Variants in SALL3 observed in about 807,000 individuals in gnomAD.
SALL3 encodes the protein spalt like transcription factor 3.
In SALL3, 25 loss-of-function variants were observed where a neutral mutation model predicts 66.2. The ratio of observed to expected loss-of-function variants is 0.38; its 90% CI spans 0.28 to 0.53. The LOEUF (loss-of-function observed/expected upper bound fraction) is 0.53. Among genes scored for constraint, SALL3 ranks in the 20% least tolerant of loss-of-function variants. The probability of loss-of-function intolerance (pLI) is 0.85; values close to 1 mark genes in which losing one functional copy is unlikely to be tolerated. For missense variants in SALL3, 2,194 were observed against 1,916.5 expected, an observed-to-expected ratio of 1.14 and a Z score of -2.70; for synonymous variants, 1,152 against 899.1, an observed-to-expected ratio of 1.28 and a Z score of -5.03.
At chr18:78,980,547 C>T (rs1311819492) in intron 1 of SALL3, among the ~76,000 whole-genome samples, 191 bp downstream of exon 1, 1 of 151,364 alleles carries the variant, frequency 6.6e-6, no homozygotes, top group Non-Finnish European at 1.5e-5. Context: ...CGCGCGGCCG[C>T]CGAGAGAGTT....
chr18:78,990,854 A>G (rs1914405216), intron 1 of SALL3, among the ~76,000 whole-genome samples: 2 of 152,102 alleles, frequency 1.3e-5, no homozygotes, highest in Middle Eastern at 3.2e-3. Flanking sequence ...ATTACTTTTC[A>G]CCCCAACCAC....
In SALL3 at chr18:78,997,329, ACTCG is replaced by A; in HGVS notation, c.*11_*14del. 6.2e-7 allele frequency: 1 copy of A among 1,609,396 alleles called. No homozygotes were observed. The highest frequency in any genetic ancestry group is 8.5e-7 in the Non-Finnish European group (1 of 1,177,030). On this transcript the variant is annotated 3_prime_UTR_variant, in exon 3 of 3. Transcript: ENST00000537592. ...GGAGATTGGTATCAACTAGCCAGTGACTCGCTCATCTGCCCTGCCCAGGCCCACG... is the reference window on the plus strand; with the variant it reads ...GGAGATTGGTATCAACTAGCCAGTGACTCATCTGCCCTGCCCAGGCCCACG...
In SALL3 at chr18:78,997,316, C is replaced by T. The variant is rs760949361; in HGVS notation, c.3897C>T (p.Ile1299=). The T allele has an allele frequency of 3.1e-6, 5 of 1,612,082 alleles. 1 individual carries two copies. Among genetic ancestry groups the T allele is most frequent in the Middle Eastern group, 3.3e-4 (2 of 6,048 alleles). The change falls in exon 3 of 3, where the codon ATC becomes ATT. Residue 1299 remains isoleucine (I), a synonymous_variant. Coordinates refer to ENST00000537592, the MANE Select transcript of SALL3 (RefSeq NM_171999.4). ...TCGAGGATAACAAGGAGATTGGTAT[C>T]AACTAGCCAGTGACTCGCTCATCTG... ...RFIEDNKEIG[I]N is the part of the protein sequence containing the mutation.
rs1913960688 is a variant in SALL3 at position 78,980,193 on chromosome 18, C to T, written c.-82C>T. On this transcript the variant is annotated 5_prime_UTR_variant, in exon 1 of 3. Transcript: ENST00000537592. Reference sequence around the variant, plus strand: ...CCGCCCCGCGCCCCGCGCCGCGCGCCCGCCAGGCCGCCCCGCGCCGTCCCC... The same window carrying T: ...CCGCCCCGCGCCCCGCGCCGCGCGCTCGCCAGGCCGCCCCGCGCCGTCCCC... The T allele has an allele frequency of 3.4e-6, 2 of 581,936 alleles. No individual in the cohort carries two copies. The highest frequency in any genetic ancestry group is 4.3e-6 in the Non-Finnish European group (2 of 464,654). The allele number at this position is 581,936 out of a possible 1,614,324, so 36.0% of individuals were successfully genotyped here.
intron 1 of SALL3, among the ~76,000 whole-genome samples, chr18:78,991,191 T>C (rs577880965): frequency 1.3e-5 from 2 of 152,126 alleles, no homozygotes; most frequent in Non-Finnish European, 2.9e-5. Context: ...TAATTTCTAG[T>C]TTGTTAACAA....
rs1052230514 is a variant in SALL3 at position 78,980,009 on chromosome 18, C to T, written c.-266C>T. On this transcript the variant is annotated 5_prime_UTR_variant, in exon 1 of 3. Transcript: ENST00000537592. ...CCCGGTCCCGAGGCGCCGCGGCCCC[C>T]TCCTCGTCGGCGCGGCCGCTAATTG... Among the ~76,000 whole-genome samples the T allele has an allele frequency of 1.4e-5, 2 of 145,632 alleles. No individual in the cohort carries two copies. The highest frequency in any genetic ancestry group is 6.8e-5 in the Admixed American group (1 of 14,728).
At chr18:78,985,944 C>T (rs72985666) in intron 1 of SALL3, among the ~76,000 whole-genome samples, 5,664 of 152,250 alleles carry the variant, frequency 0.037, 148 homozygotes, top group Non-Finnish European at 0.052. Context: ...CATCAAATTT[C>T]GATTGAAATT....
At chr18:78,982,882 C>T in intron 1 of SALL3, among the ~76,000 whole-genome samples, 1 of 152,094 alleles carries the variant, frequency 6.6e-6, no homozygotes, top group East Asian at 1.9e-4. Flanking sequence ...TAATGTCCTG[C>T]AGAACAAATA....
chr18:78,992,508 A>C lies in SALL3; in HGVS notation c.517A>C (p.Ser173Arg). The change falls in exon 2 of 3, where the codon AGC becomes CGC. Residue 173 changes from serine to arginine, a missense_variant. By Grantham distance (110) the Ser-to-Arg change is moderately radical. Coordinates refer to ENST00000537592, the MANE Select transcript of SALL3 (RefSeq NM_171999.4). ...CAACGTGACCCTGGAGGCGCTGCTG[A>C]GCACCAAGGTGGCGGTGGCGCAGTT... ...STNVTLEALL[S>R]TKVAVAQFSQ... 1 of 1,477,888 alleles carries C rather than the reference A, an allele frequency of 6.8e-7. No individual in the cohort carries two copies. The allele number at this position is 1,477,888 out of a possible 1,614,324, so 91.5% of individuals were successfully genotyped here.
chr18:78,983,615 A>T (rs953676366), intron 1 of SALL3, among the ~76,000 whole-genome samples: 2 of 152,146 alleles, frequency 1.3e-5, no homozygotes, highest in Non-Finnish European at 2.9e-5. Context: ...GTTTTCACAG[A>T]CTGTGTTTGA....
In SALL3 at chr18:78,992,271, T is replaced by C. The variant is rs768181651; in HGVS notation, c.280T>C (p.Phe94Leu). ...EDAPAPPPEDFPEPSPASSPS... is the reference protein window; with the variant it reads ...EDAPAPPPEDLPEPSPASSPS... The stretch of plus-strand genomic sequence containing the variant: ...CGCGCCCGCGCCGCCCCCCGAGGAC[T>C]TCCCCGAGCCTTCGCCCGCCAGCTC... Residue 94 changes from phenylalanine to leucine, a missense_variant, in exon 2 of 3, where the codon TTC becomes CTC. Coordinates refer to ENST00000537592, the MANE Select transcript of SALL3 (RefSeq NM_171999.4). 32 of 1,552,190 alleles carry C rather than the reference T, an allele frequency of 2.1e-5. No individual in the cohort carries two copies. The Admixed American group carries it at 2.6e-4, about 13-fold the overall frequency.
rs1398057631 is a variant in SALL3 at position 78,992,130 on chromosome 18, G to T, written c.139G>T (p.Gly47Cys). 1 of 1,603,002 alleles carries T rather than the reference G, an allele frequency of 6.2e-7. No individual in the cohort carries two copies. Among genetic ancestry groups the T allele is most frequent in the South Asian group, 1.1e-5 (1 of 89,302 alleles). Residue 47 changes from glycine to cysteine, a missense_variant, in exon 2 of 3, where the codon GGC becomes TGC. Transcript: ENST00000537592. ...CAGCGGGCCCGAGAGCCGCAGCGGGGGCGAGGAGACCAGCGTGTGCGAGAA... is the reference window on the plus strand; with the variant it reads ...CAGCGGGCCCGAGAGCCGCAGCGGGTGCGAGGAGACCAGCGTGTGCGAGAA... ...ADSGPESRSG[G>C]EETSVCEKCC...
Position 78,980,286 on chromosome 18 carries a change from C to G in SALL3, c.12C>G (p.Arg4=), listed in dbSNP as rs1388063243. The part of the protein sequence containing the change: MSR[R]KQAKPQHLKS... ...GCGCCGCTAGCAGCATGTCTCGGCGCAAGCAGGCCAAGCCCCAGCACCTCA... is the reference window on the plus strand; with the variant it reads ...GCGCCGCTAGCAGCATGTCTCGGCGGAAGCAGGCCAAGCCCCAGCACCTCA... The change falls in exon 1 of 3, where the codon CGC becomes CGG. Residue 4 remains arginine, a synonymous_variant. Coordinates refer to ENST00000537592, the MANE Select transcript of SALL3 (RefSeq NM_171999.4). 2.4e-5 allele frequency: 33 copies of G among 1,391,866 alleles called. No homozygotes were observed. The highest frequency in any genetic ancestry group is 3.1e-5 in the Non-Finnish European group (33 of 1,061,938). 86.2% of individuals were successfully genotyped at this position (1,391,866 alleles called of 1,614,324 possible). A position where few individuals can be genotyped will look rare whatever the true frequency, so the allele number is the denominator to read the frequency against.
Position 78,995,422 on chromosome 18 carries a change from C to T in SALL3, c.3431C>T (p.Thr1144Ile). 6.3e-7 allele frequency: 1 copy of T among 1,586,122 alleles called. No homozygotes were observed. The highest frequency in any genetic ancestry group is 8.5e-7 in the Non-Finnish European group (1 of 1,174,140). The change falls in exon 2 of 3, where the codon ACC (threonine) becomes ATC (isoleucine). Residue 1144 changes from threonine (T) to isoleucine (I), a missense_variant. By Grantham distance (89) the Thr-to-Ile change is moderately conservative. Transcript: ENST00000537592. ...ACCGGCGAGAAGCCGTTCGGCTGCA[C>T]CATCTGCGGCCGGGCCTTCACCACT... ...THTGEKPFGC[T>I]ICGRAFTTKG...
chr18:78,992,415 A>ACG lies in SALL3; in HGVS notation c.432_433dup (p.Pro145ArgfsTer23). On this transcript the variant is annotated frameshift_variant, in exon 2 of 3. Transcript: ENST00000537592. LOFTEE classifies it high-confidence loss of function. The stretch of plus-strand genomic sequence containing the variant: ...CATGGACGCGGAACCCGCGGGGGAC[A>ACG]CGCGCGCGCCCCGGCCCCCGCCTGC... 1 of 1,328,766 alleles carries ACG rather than the reference A, an allele frequency of 7.5e-7. No individual in the cohort carries two copies. The highest frequency in any genetic ancestry group is 9.5e-7 in the Non-Finnish European group (1 of 1,047,312). The allele number at this position is 1,328,766 out of a possible 1,614,324, so 82.3% of individuals were successfully genotyped here.
At position 78,994,659 on chromosome 18, in the gene SALL3, A is replaced by G; in HGVS notation, c.2668A>G (p.Ser890Gly). Residue 890 changes from serine (S) to glycine (G), a missense_variant, in exon 2 of 3, where the codon AGC becomes GGC. Physicochemically the swap from Ser to Gly is moderately conservative, Grantham distance 56. Coordinates refer to ENST00000537592, the MANE Select transcript of SALL3 (RefSeq NM_171999.4). ...SSAVGDLESR[S>G]AGSPALSESS... ...GGCCGTGGGCGACCTGGAGAGCCGC[A>G]GCGCGGGCAGCCCCGCCCTGTCCGA... 1 of 1,609,042 alleles carries G rather than the reference A, an allele frequency of 6.2e-7. No homozygotes were observed. The highest frequency in any genetic ancestry group is 8.5e-7 in the Non-Finnish European group (1 of 1,178,858).
chr18:78,996,007 C>T (rs1414518445), intron 2 of SALL3, among the ~76,000 whole-genome samples: 1 of 152,258 alleles, frequency 6.6e-6, no homozygotes, highest in Middle Eastern at 3.4e-3. Context: ...CCTCTTGAAT[C>T]TGATAGAAAA....
At position 78,992,626 on chromosome 18, in the gene SALL3, TGCA is replaced by T. The variant is rs759024614; in HGVS notation, c.646_648del (p.Gln216del). On this transcript the variant is annotated inframe_deletion, in exon 2 of 3. Coordinates refer to ENST00000537592, the MANE Select transcript of SALL3 (RefSeq NM_171999.4). ...CTGATCCTGGAACAGCTCATGGCCC[TGCA>T]GCAGCAGCAGATCCACCAGCTGCAG... The T allele has an allele frequency of 5.5e-5, 86 of 1,550,570 alleles. No homozygotes were observed. Among genetic ancestry groups the T allele is most frequent in the East Asian group, 3.3e-4 (13 of 39,910 alleles).
At position 78,979,839 on chromosome 18, in the gene SALL3, C is replaced by T. The variant is rs1913920189; in HGVS notation, c.-436C>T. Among the ~76,000 whole-genome samples, 1 of 145,126 alleles carries T rather than the reference C, an allele frequency of 6.9e-6. No homozygotes were observed. Among genetic ancestry groups the T allele is most frequent in the African/African-American group, 2.5e-5 (1 of 40,556 alleles). ...CGGCGGAGACGGCGCCGCGCGGACGCCGCCAAAGTTTGCTGCCTGCGCCCT... is the reference window on the plus strand; with the variant it reads ...CGGCGGAGACGGCGCCGCGCGGACGTCGCCAAAGTTTGCTGCCTGCGCCCT... On this transcript the variant is annotated 5_prime_UTR_variant, in exon 1 of 3. Transcript: ENST00000537592.
Sources: gnomAD v4.1 joint callset for allele counts (sites outside exome capture counted in the v4.1 genomes callset) on GRCh38, gnomAD v4.1.1 for gene constraint, MANE v1.5 for transcripts, NCBI Gene and HGNC (gene_info 2026-07-23, HGNC 2026-07-21) for gene names.